EPM2A: variants seen among roughly 807,000 people sequenced by gnomAD.
EPM2A encodes laforin.
Under a neutral mutation model 26.5 loss-of-function variants are expected in EPM2A, and 21 were observed. The observed-to-expected ratio is 0.79, with a 90% CI of 0.56 to 1.14. The LOEUF is 1.14. EPM2A is among the 50% of genes most tolerant of loss of function. The pLI, the probability that EPM2A is intolerant of heterozygous loss-of-function variation, is 0.00. For synonymous variants in EPM2A, 217 were observed against 177.6 expected (o/e 1.22, Z -1.76); for missense variants, 458 against 440.8 (o/e 1.04, Z -0.35).
intron 2 of EPM2A, among the ~76,000 whole-genome samples, chr6:145,685,714 T>A (rs951848527): frequency 6.6e-6 from 1 of 152,218 alleles, no homozygotes; most frequent in South Asian, 2.1e-4. Context: ...GTTCTGTGCC[T>A]GTATTTTCAC....
chr6:145,402,523 G>A (rs991387641), intron 4 of EPM2A, among the ~76,000 whole-genome samples: 2 of 152,164 alleles, frequency 1.3e-5, no homozygotes, highest in African/African-American at 4.8e-5. Context: ...AGCTTAGATA[G>A]TGATGTAGTA....
chr6:145,501,210 A>G (rs1056383282), downstream of EPM2A, among the ~76,000 whole-genome samples: 1 of 152,176 alleles, frequency 6.6e-6, no homozygotes, highest in Admixed American at 6.5e-5. Context: ...TCATAACAAT[A>G]ATCACAAAAA....
intron 1 of EPM2A, among the ~76,000 whole-genome samples, chr6:145,730,509 C>G (rs1776431659): frequency 6.6e-6 from 1 of 152,174 alleles, no homozygotes; most frequent in African/African-American, 2.4e-5. Flanking sequence ...TCCTGAGCTT[C>G]TTGTGGGAAA....
chr6:145,548,749 CTT>C (rs930562654), intron 2 of EPM2A, among the ~76,000 whole-genome samples: 5 of 152,060 alleles, frequency 3.3e-5, no homozygotes, highest in African/African-American at 9.7e-5. Context: ...TAAAAGTCCT[CTT>C]TGTTTTCCTA....
At chr6:145,506,606 A>C (rs1346223652) in intron 2 of EPM2A, among the ~76,000 whole-genome samples, 1 of 152,046 alleles carries the variant, frequency 6.6e-6, no homozygotes, top group Non-Finnish European at 1.5e-5. Flanking sequence ...TTAGTAAAAA[A>C]GAGTTTCCAA....
rs1171053524 is a variant in EPM2A at position 145,588,904 on chromosome 6, A to G, written c.340+46341T>C. ...GGGAACTTTACTATAAGGAGTTTTT[A>G]ACTAGTAGAAGGTAGAACTACTAAA... On this transcript the variant is annotated intron_variant, in intron 2 of 3. Transcript: ENST00000450221. Among the ~76,000 whole-genome samples, 3 of 152,204 alleles carry G rather than the reference A, an allele frequency of 2.0e-5. No homozygotes were observed. In the East Asian group the frequency reaches 5.8e-4, roughly 29 times the overall value.
intron 2 of EPM2A, among the ~76,000 whole-genome samples, chr6:145,661,089 C>T (rs1026626305): frequency 1.3e-5 from 2 of 151,808 alleles, no homozygotes; most frequent in Non-Finnish European, 2.9e-5. Context: ...AAGTCGGGTG[C>T]GGGTCCGAGA....
chr6:145,659,899 T>C (rs1778562784), intron 2 of EPM2A, among the ~76,000 whole-genome samples: 1 of 152,190 alleles, frequency 6.6e-6, no homozygotes, highest in African/African-American at 2.4e-5. Context: ...ACTTCCATTT[T>C]CTATACTTCA....
chr6:145,671,444 A>C (rs1019260359), intron 2 of EPM2A: 2 of 967,784 alleles, frequency 2.1e-6, no homozygotes, highest in Non-Finnish European at 2.5e-6. Flanking sequence ...TTGTGAGTCA[A>C]TATTACATGT....
At chr6:145,719,616 G>A (rs978282635) in intron 1 of EPM2A, among the ~76,000 whole-genome samples, 5 of 152,054 alleles carry the variant, frequency 3.3e-5, no homozygotes, top group African/African-American at 1.2e-4. Context: ...AAAACTTAAA[G>A]TATAATAATA....
chr6:145,662,548 G>A (rs1778798357), intron 2 of EPM2A, among the ~76,000 whole-genome samples: 1 of 152,166 alleles, frequency 6.6e-6, no homozygotes, highest in African/African-American at 2.4e-5. Context: ...ATGGGATTTT[G>A]TGGTGGAGGA....
chr6:145,444,472 T>A (rs1274732726), intron 4 of EPM2A, among the ~76,000 whole-genome samples: 8 of 152,234 alleles, frequency 5.3e-5, no homozygotes, highest in Non-Finnish European at 1.5e-5. Flanking sequence ...GATGTGCTGC[T>A]GTACTCAGTT....
At chr6:145,500,089 T>C (rs145432590), downstream of EPM2A, among the ~76,000 whole-genome samples, 47 of 152,192 alleles carry the variant, frequency 3.1e-4, no homozygotes, top group Non-Finnish European at 5.7e-4. Context: ...ATAACAGACA[T>C]CTGCTTATAT....
chr6:145,607,520 G>A (rs1034494592), intron 2 of EPM2A, among the ~76,000 whole-genome samples: 1 of 152,126 alleles, frequency 6.6e-6, no homozygotes, highest in South Asian at 2.1e-4. Context: ...GGGGTAAAAC[G>A]ATAGGTGAAG....
chr6:145,384,423 AG>A (rs1778231272), intron 4 of EPM2A, among the ~76,000 whole-genome samples: 1 of 148,660 alleles, frequency 6.7e-6, no homozygotes, highest in Admixed American at 6.9e-5. Context: ...GGGGCATGGA[AG>A]GAAGAAGGAT....
intron 4 of EPM2A, among the ~76,000 whole-genome samples, chr6:145,459,699 CATACTATACT>C (rs59239067): frequency 6.6e-6 from 1 of 151,206 alleles, no homozygotes; most frequent in Non-Finnish European, 1.5e-5. Flanking sequence ...CTTCTTTTAG[CATACTATACT>C]ATACTATACT....
At chr6:145,722,019 A>G (rs773950267) in intron 1 of EPM2A, among the ~76,000 whole-genome samples, 4 of 152,208 alleles carry the variant, frequency 2.6e-5, no homozygotes, top group Non-Finnish European at 5.9e-5. Flanking sequence ...ACATGAATAA[A>G]TCATCTAAAA....
chr6:145,422,842 A>G (rs1475966630), intron 4 of EPM2A, among the ~76,000 whole-genome samples: 1 of 152,166 alleles, frequency 6.6e-6, no homozygotes, highest in East Asian at 1.9e-4. Flanking sequence ...ACAAGGTAGT[A>G]TCAATCAATA....
intron 2 of EPM2A, among the ~76,000 whole-genome samples, chr6:145,601,287 TTG>T (rs2128550164): frequency 6.6e-6 from 1 of 152,330 alleles, no homozygotes; most frequent in Non-Finnish European, 1.5e-5. Context: ...ACTTCACCTG[TTG>T]TTTTTCCCCT....
Sources: gnomAD v4.1 joint callset for allele counts (sites outside exome capture counted in the v4.1 genomes callset) on GRCh38, gnomAD v4.1.1 for gene constraint, MANE v1.5 for transcripts, NCBI Gene and HGNC (gene_info 2026-07-23, HGNC 2026-07-21) for gene names.